DMD: variants seen among roughly 807,000 people sequenced by gnomAD.
DMD encodes the protein mutant dystrophin.
In DMD, 63 loss-of-function variants were observed where a neutral mutation model predicts 330.1. The ratio of observed to expected loss-of-function variants is 0.19; its 90% CI spans 0.16 to 0.24. DMD has a LOEUF of 0.24. Among genes scored for constraint, DMD ranks in the 10% least tolerant of loss-of-function variants. The pLI is 1.00. For missense variants in DMD, 3,344 were observed against 2,684.1 expected (o/e 1.25, Z -5.43); for synonymous variants, 1,223 against 959.8 (o/e 1.27, Z -5.07).
At chrX:31,310,813 C>T (rs892924237) in intron 62 of DMD, among the ~76,000 whole-genome samples, 2 of 109,184 alleles carry the variant, frequency 1.8e-5, no homozygotes, top group Non-Finnish European at 3.8e-5. Flanking sequence ...CTTTGACCCC[C>T]CAAAGTGCTG....
intron 7 of DMD, among the ~76,000 whole-genome samples, chrX:32,794,746 T>A (rs1487245325): frequency 8.9e-6 from 1 of 112,123 alleles, no homozygotes; most frequent in East Asian, 2.8e-4. Context: ...CTGCTCTTTG[T>A]TAATAACTTA....
chrX:31,439,799 T>C (rs1286880213), intron 60 of DMD, among the ~76,000 whole-genome samples: 2 of 111,739 alleles, frequency 1.8e-5, no homozygotes, highest in East Asian at 5.6e-4. Context: ...ATTAGAAAGG[T>C]TTATCATCAT....
At chrX:32,042,521 G>T (rs2096019209) in intron 44 of DMD, among the ~76,000 whole-genome samples, 2 of 111,070 alleles carry the variant, frequency 1.8e-5, no homozygotes, top group Admixed American at 9.6e-5. Context: ...GCCTCCACCT[G>T]GTCTCTCCCT....
intron 60 of DMD, among the ~76,000 whole-genome samples, chrX:31,377,146 G>A (rs2059923570): frequency 1.8e-5 from 2 of 111,948 alleles, no homozygotes; most frequent in South Asian, 7.4e-4. Context: ...CTATTCTAAA[G>A]ACTTGGTAGT....
At chrX:32,108,100 C>T (rs923908224) in intron 44 of DMD, among the ~76,000 whole-genome samples, 2 of 111,104 alleles carry the variant, frequency 1.8e-5, no homozygotes, top group African/African-American at 3.3e-5. Context: ...GAACTGTGAC[C>T]GGAAACAAGA....
chrX:32,956,101 A>T (rs112028664), intron 2 of DMD, among the ~76,000 whole-genome samples: 4,268 of 110,538 alleles, frequency 0.039, 218 homozygotes, highest in African/African-American at 0.13. Context: ...GTTTAATAGG[A>T]ATAGCATTGA....
intron 11 of DMD, among the ~76,000 whole-genome samples, chrX:32,641,776 C>T (rs372456193): frequency 9.0e-6 from 1 of 110,528 alleles, no homozygotes; most frequent in Non-Finnish European, 1.9e-5. Flanking sequence ...TAATGGCTTC[C>T]GACTGGATCT....
At chrX:32,514,428 G>T (rs1000016589) in intron 18 of DMD, among the ~76,000 whole-genome samples, 1 of 112,063 alleles carries the variant, frequency 8.9e-6, no homozygotes, top group African/African-American at 3.2e-5. Flanking sequence ...AGCTTATGAA[G>T]AACTGCTGGT....
chrX:32,663,127 G>A (rs145303473), intron 9 of DMD, among the ~76,000 whole-genome samples: 2,780 of 111,700 alleles, frequency 0.025, 94 homozygotes, highest in African/African-American at 0.085. Flanking sequence ...ATCTTGAGTG[G>A]AGTCTACTAG....
intron 60 of DMD, among the ~76,000 whole-genome samples, chrX:31,351,674 C>T (rs1043725587): frequency 2.1e-5 from 2 of 94,554 alleles, no homozygotes; most frequent in African/African-American, 4.1e-5. Flanking sequence ...TGCAGTGCGC[C>T]GAGATCGTGT....
At chrX:31,685,631 G>A (rs1199524068) in intron 52 of DMD, among the ~76,000 whole-genome samples, 3 of 112,253 alleles carry the variant, frequency 2.7e-5, no homozygotes, top group African/African-American at 9.7e-5. Context: ...TGCTGTCAGG[G>A]CCCATCTATC....
At chrX:32,687,367 T>C (rs12845594) in intron 9 of DMD, among the ~76,000 whole-genome samples, 3,346 of 111,958 alleles carry the variant, frequency 0.03, 60 homozygotes, top group Non-Finnish European at 0.046. Flanking sequence ...TCTTACATGT[T>C]ATTCTTCGGA....
At chrX:32,423,071 A>T (rs761694871) in intron 29 of DMD, among the ~76,000 whole-genome samples, 4 of 111,200 alleles carry the variant, frequency 3.6e-5, no homozygotes, top group Non-Finnish European at 5.7e-5. Context: ...ACATTGATAA[A>T]CTTAAAAGAG....
At chrX:32,662,725 T>G (rs1240556641) in intron 9 of DMD, among the ~76,000 whole-genome samples, 2 of 111,868 alleles carry the variant, frequency 1.8e-5, no homozygotes, top group Non-Finnish European at 3.8e-5. Flanking sequence ...AGCTCATTAG[T>G]ACCTCAACAA....
At chrX:33,289,073 T>C (rs1371875700) in intron 1 of DMD, among the ~76,000 whole-genome samples, 2 of 111,358 alleles carry the variant, frequency 1.8e-5, no homozygotes, top group Non-Finnish European at 3.8e-5. Context: ...ACAAAGTTAT[T>C]ATTTCTATCT....
At chrX:32,599,297 C>T (rs193289738) in intron 12 of DMD, among the ~76,000 whole-genome samples, 27 of 111,554 alleles carry the variant, frequency 2.4e-4, no homozygotes, top group African/African-American at 7.5e-4. Context: ...GTAGCAGAAA[C>T]GCCAGACATA....
intron 1 of DMD, among the ~76,000 whole-genome samples, chrX:33,064,274 C>T (rs771076713): frequency 6.3e-5 from 7 of 110,933 alleles, no homozygotes; most frequent in Non-Finnish European, 1.3e-4. Context: ...AGCAAAAATG[C>T]CACCTCTACT....
intron 61 of DMD, among the ~76,000 whole-genome samples, chrX:31,346,769 C>T (rs769125833): frequency 3.7e-5 from 4 of 108,971 alleles, no homozygotes; most frequent in South Asian, 4.1e-4. Flanking sequence ...GAGGCCAAGG[C>T]GAGTGGATCA....
chrX:31,297,953 T>C (rs1364224277), intron 62 of DMD, among the ~76,000 whole-genome samples: 1 of 112,062 alleles, frequency 8.9e-6, no homozygotes. Context: ...AAGTTATCTA[T>C]AGACTCATTT....
Sources: allele counts gnomAD v4.1 joint callset (sites outside exome capture counted in the v4.1 genomes callset), GRCh38; gene constraint gnomAD v4.1.1; transcripts MANE v1.5; gene names NCBI Gene and HGNC (gene_info 2026-07-23, HGNC 2026-07-21).